HGSNAT: variants seen among roughly 807,000 people sequenced by gnomAD.
HGSNAT encodes the protein heparan-alpha-glucosaminide N-acetyltransferase.
A neutral mutation model predicts 85.2 loss-of-function variants in HGSNAT; 59 were observed. The ratio of observed to expected loss-of-function variants is 0.69; its 90% CI spans 0.56 to 0.86. The LOEUF (loss-of-function observed/expected upper bound fraction) is 0.86. Ranked by LOEUF, HGSNAT falls within the 40% of genes least tolerant of loss-of-function variation. HGSNAT has a pLI of 0.00. For synonymous variants in HGSNAT, 321 were observed against 304.5 expected (o/e 1.05, Z -0.56); for missense variants, 756 against 777.1 (o/e 0.97, Z 0.32).
chr8:43,185,453 T>C (rs1425459930), intron 11 of HGSNAT, among the ~76,000 whole-genome samples: 7 of 152,210 alleles, frequency 4.6e-5, no homozygotes, highest in Admixed American at 4.6e-4. Context: ...GTTATTGGTG[T>C]ATAGGAATGC....
At chr8:43,146,833 G>A (rs545090523) in intron 1 of HGSNAT, 115 bp from the exon 2 acceptor site, 9 of 627,926 alleles carry the variant, frequency 1.4e-5, no homozygotes, top group Non-Finnish European at 1.1e-5. Context: ...ATCCCAGAGT[G>A]TAAGCTTTTG....
chr8:43,173,471 G>A (rs529909614), intron 8 of HGSNAT, among the ~76,000 whole-genome samples: 14 of 151,962 alleles, frequency 9.2e-5, no homozygotes, highest in South Asian at 4.2e-4. Context: ...CACCACACCC[G>A]GCTAATTTTT....
At chr8:43,173,284 A>T (rs1172179444) in intron 8 of HGSNAT, among the ~76,000 whole-genome samples, 4 of 150,138 alleles carry the variant, frequency 2.7e-5, no homozygotes, top group African/African-American at 7.3e-5. Context: ...GCCACACCAC[A>T]CCTGGCCTAT....
chr8:43,183,067 C>G (rs2130785689), intron 11 of HGSNAT, among the ~76,000 whole-genome samples: 1 of 152,256 alleles, frequency 6.6e-6, no homozygotes, highest in African/African-American at 2.4e-5. Flanking sequence ...GTGTAACGAT[C>G]AAATCAGGGT....
chr8:43,156,032 G>A (rs1803083465), intron 2 of HGSNAT, among the ~76,000 whole-genome samples: 1 of 151,960 alleles, frequency 6.6e-6, no homozygotes. Flanking sequence ...TAGATATGGG[G>A]TTTCACCATG....
Position 43,145,605 on chromosome 8 carries a change from G to A in HGSNAT, c.119-1343G>A, listed in dbSNP as rs187022727. ...GTCACTACTAAAAATACAAAAATTAGCTGGGTTTGGTGGTGCGTGCCTGTA... is the reference window on the plus strand; with the variant it reads ...GTCACTACTAAAAATACAAAAATTAACTGGGTTTGGTGGTGCGTGCCTGTA... On this transcript the variant is annotated intron_variant, in intron 1 of 17. Coordinates refer to ENST00000379644, the MANE Select transcript of HGSNAT (RefSeq NM_152419.3). 2.0e-5 allele frequency among the ~76,000 whole-genome samples: 3 copies of A among 152,220 alleles called. No homozygotes were observed. In the East Asian group the frequency reaches 5.8e-4, roughly 29 times the overall value.
rs200185424 is a variant in HGSNAT at position 43,176,559 on chromosome 8, A to AT, written c.852-1506dup. Reference sequence around the variant, plus strand: ...TTTGTGGTTCCATATAAATTTCAGCATTTTTTTTTCTATTTCAGTGAAGAA... The same window carrying AT: ...TTTGTGGTTCCATATAAATTTCAGCATTTTTTTTTTCTATTTCAGTGAAGAA... On this transcript the variant is annotated intron_variant, in intron 9 of 17. Transcript: ENST00000379644. Among the ~76,000 whole-genome samples the AT allele has an allele frequency of 4.8e-3, 725 of 151,228 alleles. 8 individuals are homozygous for AT. The highest frequency in any genetic ancestry group is 0.016 in the African/African-American group (673 of 41,254).
rs1804933526 is a variant in HGSNAT at position 43,202,089 on chromosome 8, G to GT, written c.*2521dup. The GT allele has an allele frequency of 6.5e-6, 1 of 153,004 alleles. No individual in the cohort carries two copies. The highest frequency in any genetic ancestry group is 1.5e-5 in the Non-Finnish European group (1 of 68,122). The allele number at this position is 153,004 out of a possible 1,614,324, so 9.5% of individuals were successfully genotyped here. A position where few individuals can be genotyped will look rare whatever the true frequency, so the allele number is the denominator to read the frequency against. Reference sequence around the variant, plus strand: ...TACATCAACTTGGGTGTCTTGAGCTGTAAGGAAGGAACTCCGGAGTCAGCT... The same window carrying GT: ...TACATCAACTTGGGTGTCTTGAGCTGTTAAGGAAGGAACTCCGGAGTCAGCT... On this transcript the variant is annotated 3_prime_UTR_variant, in exon 18 of 18. Coordinates refer to ENST00000379644, the MANE Select transcript of HGSNAT (RefSeq NM_152419.3).
chr8:43,191,619 C>T, intron 12 of HGSNAT, 24 bp downstream of exon 12: 1 of 1,612,266 alleles, frequency 6.2e-7, no homozygotes, highest in Admixed American at 1.7e-5. Flanking sequence ...TGGGGGTCAT[C>T]CCTTGTGCAT....
At chr8:43,163,608 C>A (rs533406109) in intron 5 of HGSNAT, among the ~76,000 whole-genome samples, 72 of 151,536 alleles carry the variant, frequency 4.8e-4, no homozygotes, top group Non-Finnish European at 7.5e-4. Context: ...CTCGCTGCAA[C>A]CTCTGCCTCT....
intron 14 of HGSNAT, chr8:43,194,521 G>A: frequency 1.0e-6 from 1 of 984,824 alleles, no homozygotes; most frequent in Non-Finnish European, 1.2e-6. Context: ...TGTGTGTCCT[G>A]ACCTAACAAA....
At chr8:43,173,783 C>T (rs1287344810) in intron 9 of HGSNAT, 40 bp downstream of exon 9, 1 of 1,595,542 alleles carries the variant, frequency 6.3e-7, no homozygotes, top group South Asian at 1.1e-5. Flanking sequence ...CACGGGTTGA[C>T]TCCAATCTCC....
intron 1 of HGSNAT, among the ~76,000 whole-genome samples, chr8:43,140,841 A>G (rs1036733783): frequency 1.6e-4 from 25 of 151,806 alleles, no homozygotes; most frequent in Non-Finnish European, 2.7e-4. Context: ...GGCGGTTCGG[A>G]CCGCGGCGGA....
At chr8:43,172,628 A>T (rs1214132435) in intron 8 of HGSNAT, among the ~76,000 whole-genome samples, 5 of 152,154 alleles carry the variant, frequency 3.3e-5, no homozygotes, top group Non-Finnish European at 5.9e-5. Flanking sequence ...AGACTCTAGA[A>T]GTTTCTGCTG....
intron 11 of HGSNAT, among the ~76,000 whole-genome samples, chr8:43,187,834 C>T (rs988010228): frequency 6.6e-6 from 1 of 152,118 alleles, no homozygotes; most frequent in African/African-American, 2.4e-5. Context: ...GTAAGGTAGG[C>T]CTGCTGGTGA....
intron 11 of HGSNAT, among the ~76,000 whole-genome samples, chr8:43,189,090 C>T (rs1255835170): frequency 3.9e-5 from 6 of 152,182 alleles, no homozygotes; most frequent in Non-Finnish European, 1.5e-5. Context: ...CAGGGACCCA[C>T]TTGAGGAGGC....
At chr8:43,173,318 T>A (rs1205802317) in intron 8 of HGSNAT, among the ~76,000 whole-genome samples, 1 of 151,802 alleles carries the variant, frequency 6.6e-6, no homozygotes, top group Non-Finnish European at 1.5e-5. Flanking sequence ...CTTTTTCTTT[T>A]TTTTTTTTGA....
intron 11 of HGSNAT, among the ~76,000 whole-genome samples, chr8:43,183,477 T>C (rs1804203972): frequency 6.7e-6 from 1 of 149,906 alleles, no homozygotes; most frequent in Non-Finnish European, 1.5e-5. Flanking sequence ...TCATTTTTTT[T>C]TTTTTTCTTT....
At chr8:43,177,093 A>G (rs998010422) in intron 9 of HGSNAT, among the ~76,000 whole-genome samples, 1 of 152,188 alleles carries the variant, frequency 6.6e-6, no homozygotes, top group Admixed American at 6.5e-5. Context: ...ATGTTGAATA[A>G]CAGTGGTGAA....
Sources: gnomAD v4.1 joint callset for allele counts (sites outside exome capture counted in the v4.1 genomes callset) on GRCh38, gnomAD v4.1.1 for gene constraint, MANE v1.5 for transcripts, NCBI Gene and HGNC (gene_info 2026-07-23, HGNC 2026-07-21) for gene names.